Variants in SPATA18 observed in about 807,000 individuals in gnomAD.
The protein encoded by SPATA18 is mitochondria-eating protein.
A neutral mutation model predicts 68.1 loss-of-function variants in SPATA18; 54 were observed. The observed-to-expected ratio is 0.79, with a 90% confidence interval of 0.64 to 0.99. The LOEUF (loss-of-function observed/expected upper bound fraction) is 0.99, where lower values mean the gene tolerates loss of function less well. Ranked by LOEUF, SPATA18 falls within the 50% of genes least tolerant of loss-of-function variation. The probability of loss-of-function intolerance (pLI) is 0.00; values close to 1 mark genes in which losing one functional copy is unlikely to be tolerated. For synonymous variants in SPATA18, 242 were observed against 244.8 expected, an observed-to-expected ratio of 0.99 and a Z score of 0.11; for missense variants, 724 against 681.1, an observed-to-expected ratio of 1.06 and a Z score of -0.70.
intron 6 of SPATA18, 121 bp downstream of exon 6, chr4:52,072,277 C>A (rs1739930755): frequency 1.4e-6 from 2 of 1,441,180 alleles, no homozygotes. Flanking sequence ...AGCAATCTGC[C>A]AAGCTTTGAA....
At chr4:52,086,747 G>A (rs184071024) in intron 11 of SPATA18, among the ~76,000 whole-genome samples, 32 of 152,190 alleles carry the variant, frequency 2.1e-4, no homozygotes, top group South Asian at 6.2e-4. Flanking sequence ...TGTCTTTATC[G>A]TAGAATGATT....
At chr4:52,092,779 C>G (rs1296628929) in intron 11 of SPATA18, among the ~76,000 whole-genome samples, 3 of 152,110 alleles carry the variant, frequency 2.0e-5, no homozygotes, top group African/African-American at 4.8e-5. Context: ...ACAAAAATGA[C>G]AAAAACATGT....
chr4:52,056,283 C>T (rs2109405237), intron 1 of SPATA18, among the ~76,000 whole-genome samples: 1 of 152,316 alleles, frequency 6.6e-6, no homozygotes, highest in South Asian at 2.1e-4. Flanking sequence ...TTTCCATCTG[C>T]TTTGGGGAAA....
rs550947075 is a variant in SPATA18 at position 52,071,916 on chromosome 4, G to T, written c.519-1G>T. On this transcript the variant is annotated splice_acceptor_variant, in intron 5 of 12. Coordinates refer to ENST00000295213, the MANE Select transcript of SPATA18 (RefSeq NM_145263.4). LOFTEE classifies it high-confidence loss of function. ...CTCTGCCCTCTCTCTTTGCTGTTCA[G>T]GCTTAAATCTCTTCAAGCTCAGGAG... The T allele has an allele frequency of 3.7e-6, 6 of 1,612,734 alleles. No individual in the cohort carries two copies. Among genetic ancestry groups the T allele is most frequent in the Admixed American group, 1.7e-5 (1 of 59,898 alleles).
At chr4:52,087,286 C>G (rs1362362172) in intron 11 of SPATA18, among the ~76,000 whole-genome samples, 1 of 152,118 alleles carries the variant, frequency 6.6e-6, no homozygotes, top group African/African-American at 2.4e-5. Context: ...TCCCATTTGT[C>G]AATTTTGGCT....
chr4:52,062,174 T>A, intron 3 of SPATA18, 46 bp from the exon 4 acceptor site: 1 of 1,187,798 alleles, frequency 8.4e-7, no homozygotes, highest in Non-Finnish European at 1.2e-6. Flanking sequence ...TGTCATTTAA[T>A]GTATTCAGAC....
chr4:52,076,857 C>T lies in SPATA18; in HGVS notation c.837C>T (p.Thr279=), dbSNP rs145284002. The change falls in exon 7 of 13, where the codon ACC becomes ACT. Residue 279 remains threonine, a synonymous_variant. Transcript: ENST00000295213. ...CSRSRSASPS[T]AVKVRRPSPN... is the part of the protein sequence containing the mutation. ...GCAGCAGATCTGCCAGCCCCTCCAC[C>T]GCTGTCAAGGTCAGGAGACCGTCCC... The T allele has an allele frequency of 1.3e-4, 214 of 1,614,214 alleles. No individual in the cohort carries two copies. The African/African-American group carries it at 2.6e-3, about 20-fold the overall frequency.
intron 6 of SPATA18, among the ~76,000 whole-genome samples, chr4:52,076,374 C>A (rs927710986): frequency 6.6e-6 from 1 of 152,028 alleles, no homozygotes; most frequent in Non-Finnish European, 1.5e-5. Flanking sequence ...GGGATAAAGA[C>A]AAAAAGACCA....
At position 52,086,327 on chromosome 4, in the gene SPATA18, G is replaced by A. The variant is rs564403067; in HGVS notation, c.1563+1328G>A. Among the ~76,000 whole-genome samples the A allele has an allele frequency of 2.0e-5, 3 of 152,206 alleles. No individual in the cohort carries two copies. The South Asian group carries it at 6.2e-4, about 32-fold the overall frequency. On this transcript the variant is annotated intron_variant, in intron 11 of 12. Coordinates refer to ENST00000295213, the MANE Select transcript of SPATA18 (RefSeq NM_145263.4). ...CAGAACATGCAGTTTTGTTACATAG[G>A]TATACACGTGCCCTGGTGGTTTGAT...
In SPATA18 at chr4:52,084,910, T is replaced by C; in HGVS notation, c.1480-6T>C. ...TATGTCTCTCTCTTTCTCTCTCTTTTTTAAGTGGAATTCGGTGCGATCTGT... is the reference window on the plus strand; with the variant it reads ...TATGTCTCTCTCTTTCTCTCTCTTTCTTAAGTGGAATTCGGTGCGATCTGT... On this transcript the variant is annotated splice_region_variant and splice_polypyrimidine_tract_variant and intron_variant, in intron 10 of 12. Coordinates refer to ENST00000295213, the MANE Select transcript of SPATA18 (RefSeq NM_145263.4). 6.2e-7 allele frequency: 1 copy of C among 1,613,962 alleles called. No individual in the cohort carries two copies. Among genetic ancestry groups the C allele is most frequent in the Non-Finnish European group, 8.5e-7 (1 of 1,179,876 alleles).
At position 52,078,803 on chromosome 4, in the gene SPATA18, A is replaced by G. The variant is rs766309460; in HGVS notation, c.1089A>G (p.Pro363=). ...FKIHVRKSLT[P]SYVGSNDFEN... ...TCCATGTGAGAAAATCGTTGACACC[A>G]TCTTATGTGGGGTCGAATGACTTTG... The change falls in exon 8 of 13, where the codon CCA becomes CCG. Residue 363 remains proline (P), a synonymous_variant. Coordinates refer to ENST00000295213, the MANE Select transcript of SPATA18 (RefSeq NM_145263.4). 9 of 1,608,860 alleles carry G rather than the reference A, an allele frequency of 5.6e-6. 1 individual carries two copies. In the South Asian group the frequency reaches 7.7e-5, roughly 14 times the overall value.
chr4:52,069,215 T>G (rs945169473), intron 4 of SPATA18, among the ~76,000 whole-genome samples: 34 of 152,196 alleles, frequency 2.2e-4, no homozygotes, highest in African/African-American at 8.2e-4. Context: ...TGATTTATTA[T>G]GATTTGTCTA....
At chr4:52,068,902 C>T (rs1739559021) in intron 4 of SPATA18, among the ~76,000 whole-genome samples, 1 of 151,952 alleles carries the variant, frequency 6.6e-6, no homozygotes, top group Non-Finnish European at 1.5e-5. Context: ...CTTACTTTGT[C>T]ACCCAGGCTG....
rs17611896 is a variant in SPATA18, at chr4:52,074,684, G to C, written c.759-2095G>C. On this transcript the variant is annotated intron_variant, in intron 6 of 12. Transcript: ENST00000295213. ...AGTTTTGTTGTAAGAGCCTCAAATGGGTTAATGTTACCCACAGGAGTACCA... is the reference window on the plus strand; with the variant it reads ...AGTTTTGTTGTAAGAGCCTCAAATGCGTTAATGTTACCCACAGGAGTACCA... Among the ~76,000 whole-genome samples, 1,145 of 152,186 alleles carry C rather than the reference G, an allele frequency of 7.5e-3. 15 individuals carry two copies. Among genetic ancestry groups the C allele is most frequent in the East Asian group, 0.059 (306 of 5,182 alleles).
chr4:52,087,328 T>G (rs1741525272), intron 11 of SPATA18, among the ~76,000 whole-genome samples: 1 of 152,208 alleles, frequency 6.6e-6, no homozygotes, highest in Non-Finnish European at 1.5e-5. Context: ...GTTTTAGGCG[T>G]GAAGTCTTTG....
intron 6 of SPATA18, among the ~76,000 whole-genome samples, chr4:52,075,245 C>T (rs1487695357): frequency 2.0e-5 from 3 of 152,042 alleles, no homozygotes; most frequent in Non-Finnish European, 4.4e-5. Context: ...TGGATTTCTG[C>T]AGTGATGACA....
Position 52,051,806 on chromosome 4 carries a change from A to C in SPATA18, c.87+15A>C, listed in dbSNP as rs772138232. ...AGGAGTACAACGTGAGTCTGGGTGA[A>C]AAACCCCCGGGGTTCGCCCTCCCAT... On this transcript the variant is annotated intron_variant, in intron 1 of 12. Coordinates refer to ENST00000295213, the MANE Select transcript of SPATA18 (RefSeq NM_145263.4). 11 of 1,612,954 alleles carry C rather than the reference A, an allele frequency of 6.8e-6. No homozygotes were observed. The highest frequency in any genetic ancestry group is 8.5e-6 in the Non-Finnish European group (10 of 1,178,974).
intron 6 of SPATA18, among the ~76,000 whole-genome samples, chr4:52,074,403 T>A (rs1056111237): frequency 6.6e-6 from 1 of 152,110 alleles, no homozygotes; most frequent in Non-Finnish European, 1.5e-5. Flanking sequence ...AGAGGCCCCA[T>A]ATGAGAGGAA....
chr4:52,062,860 A>G (rs1738996510), intron 4 of SPATA18, among the ~76,000 whole-genome samples: 1 of 152,218 alleles, frequency 6.6e-6, no homozygotes, highest in African/African-American at 2.4e-5. Context: ...TAAGAAAGGA[A>G]GAATTCAAGA....
Sources: gnomAD v4.1 joint callset for allele counts (sites outside exome capture counted in the v4.1 genomes callset) on GRCh38, gnomAD v4.1.1 for gene constraint, MANE v1.5 for transcripts, NCBI Gene and HGNC (gene_info 2026-07-23, HGNC 2026-07-21) for gene names.